The following CDH4 variants were observed in gnomAD, a reference collection of about 807,000 sequenced individuals.
CDH4 encodes cadherin-4.
CDH4 carries 33 observed loss-of-function variants against 86.0 expected under a neutral mutation model. The observed-to-expected ratio is 0.38, with a 90% CI of 0.29 to 0.51. The LOEUF (loss-of-function observed/expected upper bound fraction) is 0.51, where lower values mean the gene tolerates loss of function less well. CDH4 is among the 20% of genes least tolerant of loss of function. The pLI is 0.86. For missense variants in CDH4, 1,114 were observed against 1,307.4 expected (o/e 0.85, Z 2.28); for synonymous variants, 555 against 549.4 (o/e 1.01, Z -0.14).
At chr20:61,523,870 TA>T (rs2085891227) in intron 2 of CDH4, among the ~76,000 whole-genome samples, 1 of 152,108 alleles carries the variant, frequency 6.6e-6, no homozygotes, top group Non-Finnish European at 1.5e-5. Flanking sequence ...AAAGTCAAAT[TA>T]AAAATGGCTA....
intron 2 of CDH4, among the ~76,000 whole-genome samples, chr20:61,323,133 A>G (rs541945391): frequency 6.6e-6 from 1 of 152,300 alleles, no homozygotes; most frequent in South Asian, 2.1e-4. Flanking sequence ...GAGGATAGCA[A>G]GGAGGCATGA....
intron 3 of CDH4, among the ~76,000 whole-genome samples, chr20:61,759,793 G>A (rs1051054571): frequency 4.6e-5 from 7 of 152,252 alleles, no homozygotes; most frequent in Non-Finnish European, 8.8e-5. Flanking sequence ...GACCCGAGAC[G>A]CCTGTGGTTG....
In CDH4 at chr20:61,829,192, A is replaced by G. The variant is rs1406442509; in HGVS notation, c.577-15476A>G. ...TCCCTGGCCTCGCCCCCAGCAGCCA[A>G]TAACGTACTTCCTGTCTCTATGGAT... On this transcript the variant is annotated intron_variant, in intron 4 of 15. Transcript: ENST00000614565. The surrounding 1 kb of genome is among the most constrained non-coding windows in gnomAD (Gnocchi z 4.2). Among the ~76,000 whole-genome samples the G allele has an allele frequency of 6.6e-6, 1 of 152,234 alleles. No individual in the cohort carries two copies. The highest frequency in any genetic ancestry group is 1.9e-4 in the East Asian group (1 of 5,206).
chr20:61,284,345 C>T (rs2084281757), intron 2 of CDH4, among the ~76,000 whole-genome samples: 1 of 152,056 alleles, frequency 6.6e-6, no homozygotes, highest in Non-Finnish European at 1.5e-5. Context: ...TTCCTCCTTT[C>T]TTTTTTTGTG....
intron 2 of CDH4, among the ~76,000 whole-genome samples, chr20:61,701,936 G>T (rs1235788155): frequency 1.3e-5 from 2 of 152,218 alleles, no homozygotes; most frequent in Admixed American, 6.5e-5. Context: ...CCGAAGAGAA[G>T]TTCACTCAGC....
chr20:61,259,142 G>C (rs548530584), intron 2 of CDH4, among the ~76,000 whole-genome samples: 1 of 152,342 alleles, frequency 6.6e-6, no homozygotes, highest in East Asian at 1.9e-4. Context: ...AAGCAGAGTT[G>C]ACAGACAGTG....
chr20:61,844,490 C>T (rs571825269), intron 4 of CDH4, among the ~76,000 whole-genome samples, 178 bp from the exon 5 acceptor site: 2 of 152,132 alleles, frequency 1.3e-5, no homozygotes, highest in East Asian at 3.9e-4. Flanking sequence ...TCAGTGAAAC[C>T]CTGACCACCG....
intron 2 of CDH4, among the ~76,000 whole-genome samples, chr20:61,406,067 G>A (rs999450384): frequency 2.6e-5 from 4 of 152,188 alleles, no homozygotes; most frequent in African/African-American, 9.7e-5. Flanking sequence ...GCCCCTTGGT[G>A]TGGATCAAAA....
chr20:61,762,760 G>A (rs1314450547), intron 3 of CDH4, among the ~76,000 whole-genome samples: 1 of 152,184 alleles, frequency 6.6e-6, no homozygotes, highest in African/African-American at 2.4e-5. Context: ...GGGTTCACAG[G>A]GCTATGCTGC....
intron 4 of CDH4, among the ~76,000 whole-genome samples, chr20:61,832,011 C>T (rs1317517080): frequency 8.5e-6 from 1 of 117,782 alleles, no homozygotes; most frequent in Non-Finnish European, 2.2e-5. Context: ...GACCAGGAGA[C>T]CACCTTGCCC....
In CDH4 at chr20:61,585,886, T is replaced by C. The variant is rs545068080; in HGVS notation, c.170-157677T>C. On this transcript the variant is annotated intron_variant, in intron 2 of 15. Transcript: ENST00000614565. ...ATGAAGATGATGGTGATGGTGATTA[T>C]GATGGTGATGGTGCTGATTGTGGTG... 9.2e-5 allele frequency among the ~76,000 whole-genome samples: 14 copies of C among 151,612 alleles called. No homozygotes were observed. The South Asian group carries it at 2.1e-3, about 23-fold the overall frequency.
At chr20:61,534,648 C>CTTTCTTTTTTTTTTTT (rs1568881693) in intron 2 of CDH4, among the ~76,000 whole-genome samples, 3 of 108,394 alleles carry the variant, frequency 2.8e-5, no homozygotes, top group African/African-American at 5.3e-5. Flanking sequence ...TTCTTTCTTT[C>CTTTCTTTTTTTTTTTT]TTTTCTTTCT....
Position 61,354,208 on chromosome 20 carries a change from C to T in CDH4, c.169+99271C>T, listed in dbSNP as rs142604879. Among the ~76,000 whole-genome samples the T allele has an allele frequency of 2.1e-3, 314 of 152,236 alleles. 5 individuals are homozygous for T. The highest frequency in any genetic ancestry group is 7.0e-3 in the African/African-American group (289 of 41,564). ...CCCAGAGGCCCAAATGTCCCAGCGC[C>T]GAGGTCGGGCCTGGCTGCTCTAAGG... is the stretch of plus-strand genomic sequence containing the variant. On this transcript the variant is annotated intron_variant, in intron 2 of 15. Transcript: ENST00000614565.
At chr20:61,255,721 C>T (rs751449526) in intron 2 of CDH4, among the ~76,000 whole-genome samples, 8 of 152,248 alleles carry the variant, frequency 5.3e-5, no homozygotes, top group Non-Finnish European at 1.0e-4. Flanking sequence ...GGACTGTTGA[C>T]TGCCCTACCG....
At chr20:61,268,270 C>A (rs900931844) in intron 2 of CDH4, among the ~76,000 whole-genome samples, 1 of 152,164 alleles carries the variant, frequency 6.6e-6, no homozygotes, top group Non-Finnish European at 1.5e-5. Flanking sequence ...GGCTCCAGGC[C>A]GAGGAGAGGA....
chr20:61,475,688 C>T (rs1201253695), intron 2 of CDH4, among the ~76,000 whole-genome samples: 2 of 128,056 alleles, frequency 1.6e-5, no homozygotes, highest in Non-Finnish European at 3.2e-5. Flanking sequence ...CTCCACCTCT[C>T]TTCTCCCTAC....
chr20:61,757,676 T>C (rs1430588638), intron 3 of CDH4, among the ~76,000 whole-genome samples: 5 of 152,182 alleles, frequency 3.3e-5, no homozygotes, highest in Non-Finnish European at 5.9e-5. Flanking sequence ...CTGAAGGGGA[T>C]TGAGCCCGTG....
In CDH4 at chr20:61,700,436, G is replaced by A. The variant is rs1202577348; in HGVS notation, c.170-43127G>A. Among the ~76,000 whole-genome samples the A allele has an allele frequency of 2.6e-5, 4 of 152,316 alleles. No individual in the cohort carries two copies. The South Asian group carries it at 8.3e-4, about 32-fold the overall frequency. Reference sequence around the variant, plus strand: ...TGGGGTCAGGCCTTCCTTGAAAAACGTGTGGATCAGAAACTTGGTCTTTCT... The same window carrying A: ...TGGGGTCAGGCCTTCCTTGAAAAACATGTGGATCAGAAACTTGGTCTTTCT... On this transcript the variant is annotated intron_variant, in intron 2 of 15. Transcript: ENST00000614565.
intron 2 of CDH4, among the ~76,000 whole-genome samples, chr20:61,447,624 C>CTTTT (rs11204461): frequency 5.9e-5 from 6 of 102,032 alleles, no homozygotes; most frequent in Non-Finnish European, 9.6e-5. Context: ...ATTCTACTTC[C>CTTTT]TTTTTTTTTT....
Sources: gnomAD v4.1 joint callset for allele counts (sites outside exome capture counted in the v4.1 genomes callset) on GRCh38, gnomAD v4.1.1 for gene constraint, Gnocchi (gnomAD v3.1) non-coding constraint, MANE v1.5 for transcripts, NCBI Gene and HGNC (gene_info 2026-07-23, HGNC 2026-07-21) for gene names.